Variants in MYOCD observed in about 807,000 individuals in gnomAD.
MYOCD encodes the protein myocardin.
A neutral mutation model predicts 96.1 loss-of-function variants in MYOCD; 32 were observed. That is an observed-to-expected ratio of 0.33 (90% confidence interval 0.25 to 0.45). The LOEUF is 0.45. MYOCD is among the 20% of genes least tolerant of loss of function. The pLI is 1.00. For missense variants in MYOCD, 1,133 were observed against 1,200.6 expected (o/e 0.94, Z 0.83); for synonymous variants, 469 against 469.0 (o/e 1.00, Z 0.00).
At chr17:12,669,264 C>T (rs1206871134) in intron 1 of MYOCD, among the ~76,000 whole-genome samples, 3 of 152,038 alleles carry the variant, frequency 2.0e-5, no homozygotes. Flanking sequence ...CACACACAGC[C>T]CTCAGACATA....
intron 1 of MYOCD, among the ~76,000 whole-genome samples, chr17:12,676,285 A>G (rs2150633216): frequency 6.6e-6 from 1 of 151,712 alleles, no homozygotes; most frequent in East Asian, 1.9e-4. Context: ...ACACACACAC[A>G]CACACACAGA....
intron 11 of MYOCD, among the ~76,000 whole-genome samples, chr17:12,757,608 C>G (rs971295429): frequency 6.6e-6 from 1 of 152,064 alleles, no homozygotes; most frequent in Non-Finnish European, 1.5e-5. Flanking sequence ...GCGATTCTTC[C>G]GCCTCAGCCT....
chr17:12,743,627 G>T (rs1055259664), intron 7 of MYOCD, among the ~76,000 whole-genome samples: 4 of 151,384 alleles, frequency 2.6e-5, no homozygotes, highest in Non-Finnish European at 5.9e-5. Context: ...CGAGTAGCTG[G>T]GATTACAGGC....
At chr17:12,753,618 A>G (rs1421457718) in intron 10 of MYOCD, among the ~76,000 whole-genome samples, 1 of 152,144 alleles carries the variant, frequency 6.6e-6, no homozygotes, top group African/African-American at 2.4e-5. Context: ...ATACCTACCC[A>G]ATTTTGCCTT....
rs373391554 is a variant in MYOCD, at chr17:12,688,528, TCTTC to T, written c.56-16586_56-16583del. ...TCCTTCCATCTCCTCCCTTCCATCTTCTTCCTTCCTTCCTTCCATCTTCTTCCTT... is the reference window on the plus strand; with the variant it reads ...TCCTTCCATCTCCTCCCTTCCATCTTCTTCCTTCCTTCCATCTTCTTCCTT... On this transcript the variant is annotated intron_variant, in intron 1 of 13. Coordinates refer to ENST00000425538, the MANE Select transcript of MYOCD (RefSeq NM_001146312.3). Among the ~76,000 whole-genome samples, 1,091 of 138,188 alleles carry T rather than the reference TCTTC, an allele frequency of 7.9e-3. 14 individuals are homozygous for T. Among genetic ancestry groups the T allele is most frequent in the African/African-American group, 0.029 (1,029 of 34,918 alleles). 90.7% of individuals were successfully genotyped at this position (138,188 alleles called of 152,430 possible).
chr17:12,754,997 T>A (rs1032438643), intron 10 of MYOCD, among the ~76,000 whole-genome samples: 1 of 152,162 alleles, frequency 6.6e-6, no homozygotes, highest in African/African-American at 2.4e-5. Context: ...AAGTGGAATA[T>A]CTCCACCCCA....
intron 3 of MYOCD, 26 bp downstream of exon 3, chr17:12,715,600 A>C (rs953751230): frequency 5.7e-6 from 9 of 1,580,670 alleles, no homozygotes; most frequent in Non-Finnish European, 7.8e-6. Flanking sequence ...TTCTTGACCC[A>C]AGCTTAGACT....
intron 3 of MYOCD, among the ~76,000 whole-genome samples, chr17:12,716,985 C>CAAAAAAAA (rs56992216): frequency 4.4e-5 from 5 of 112,944 alleles, no homozygotes; most frequent in Non-Finnish European, 5.1e-5. Flanking sequence ...GATGCTGTCT[C>CAAAAAAAA]AAAAAAAAAA....
intron 1 of MYOCD, among the ~76,000 whole-genome samples, chr17:12,700,243 C>G (rs577238351): frequency 6.6e-6 from 1 of 151,940 alleles, no homozygotes; most frequent in South Asian, 2.1e-4. Flanking sequence ...TTCATGTCCC[C>G]AAACTCTTCT....
rs75279584 is a variant in MYOCD, at chr17:12,737,375, C to G, written c.591+1039C>G. On this transcript the variant is annotated intron_variant, in intron 6 of 13. Coordinates refer to ENST00000425538, the MANE Select transcript of MYOCD (RefSeq NM_001146312.3). ...TCACAAAAGTTTCCTCATTTGAAATCAGAGACCCCTCCAAGTAGGTATCAT... is the reference window on the plus strand; with the variant it reads ...TCACAAAAGTTTCCTCATTTGAAATGAGAGACCCCTCCAAGTAGGTATCAT... 3.9e-4 allele frequency among the ~76,000 whole-genome samples: 59 copies of G among 152,318 alleles called. 1 individual carries two copies. In the East Asian group the frequency reaches 0.011, roughly 28 times the overall value.
intron 13 of MYOCD, chr17:12,761,532 T>C (rs966304234): frequency 2.0e-5 from 3 of 151,964 alleles, no homozygotes; most frequent in African/African-American, 7.3e-5. Flanking sequence ...GGTACAAACA[T>C]ATGTATGTAA....
At chr17:12,677,831 A>C (rs1179187348) in intron 1 of MYOCD, among the ~76,000 whole-genome samples, 1 of 151,824 alleles carries the variant, frequency 6.6e-6, no homozygotes, top group African/African-American at 2.4e-5. Flanking sequence ...ATTCACAATG[A>C]CCAGCCTCTC....
At chr17:12,669,336 T>G (rs185879989) in intron 1 of MYOCD, among the ~76,000 whole-genome samples, 2 of 152,264 alleles carry the variant, frequency 1.3e-5, no homozygotes, top group African/African-American at 4.8e-5. Context: ...ATCATTGTGT[T>G]TCTTTTGCTT....
rs117285420 is a variant in MYOCD, at chr17:12,745,035, A to G, written c.971+599A>G. On this transcript the variant is annotated intron_variant, in intron 8 of 13. Transcript: ENST00000425538. ...AGTATTAGCACTTTCAAGTTGGACTATGGAAAGTCTAAGAATGTGATATTG... is the reference window on the plus strand; with the variant it reads ...AGTATTAGCACTTTCAAGTTGGACTGTGGAAAGTCTAAGAATGTGATATTG... Among the ~76,000 whole-genome samples, 499 of 152,280 alleles carry G rather than the reference A, an allele frequency of 3.3e-3. 2 individuals are homozygous for G. The highest frequency in any genetic ancestry group is 0.017 in the Middle Eastern group (5 of 294).
chr17:12,752,348 A>G (rs772254099), intron 9 of MYOCD, 66 bp from the exon 10 acceptor site: 53 of 1,362,316 alleles, frequency 3.9e-5, no homozygotes, highest in Admixed American at 8.9e-5. Flanking sequence ...AGCTAATTGT[A>G]TAATGAATAC....
At chr17:12,677,708 T>C (rs1910167880) in intron 1 of MYOCD, among the ~76,000 whole-genome samples, 2 of 149,246 alleles carry the variant, frequency 1.3e-5, no homozygotes, top group African/African-American at 5.0e-5. Context: ...TGAGACTCTG[T>C]CTCAAAAAAA....
intron 2 of MYOCD, among the ~76,000 whole-genome samples, chr17:12,711,159 A>G (rs902898789): frequency 1.8e-4 from 28 of 152,342 alleles, no homozygotes; most frequent in African/African-American, 5.5e-4. Flanking sequence ...ATAAAAGAAA[A>G]TATAATCTCC....
intron 8 of MYOCD, 117 bp downstream of exon 8, chr17:12,744,553 T>A: frequency 1.5e-6 from 2 of 1,362,404 alleles, no homozygotes; most frequent in East Asian, 5.0e-5. Context: ...CATTTCCTCA[T>A]CCAGTATGTT....
intron 1 of MYOCD, among the ~76,000 whole-genome samples, chr17:12,701,677 T>G (rs555189257): frequency 6.4e-4 from 98 of 152,282 alleles, no homozygotes; most frequent in Non-Finnish European, 6.2e-4. Context: ...AACTCTAAGT[T>G]TCCCTCTCAT....
Sources: gnomAD v4.1 joint callset for allele counts (sites outside exome capture counted in the v4.1 genomes callset) on GRCh38, gnomAD v4.1.1 for gene constraint, MANE v1.5 for transcripts, NCBI Gene and HGNC (gene_info 2026-07-23, HGNC 2026-07-21) for gene names.